The following LRP1B variants were observed in gnomAD, a reference collection of about 807,000 sequenced individuals.
LRP1B encodes LDL receptor related protein 1B.
LRP1B carries 217 observed loss-of-function variants against 556.6 expected under a neutral mutation model. The observed-to-expected ratio is 0.39, with a 90% CI of 0.35 to 0.44. The LOEUF (loss-of-function observed/expected upper bound fraction) is 0.44. Among genes scored for constraint, LRP1B ranks in the 20% least tolerant of loss-of-function variants. The probability of loss-of-function intolerance (pLI) is 1.00; values close to 1 mark genes in which losing one functional copy is unlikely to be tolerated. For synonymous variants in LRP1B, 2,047 were observed against 1,865.8 expected, an observed-to-expected ratio of 1.10 and a Z score of -2.50; for missense variants, 5,053 against 5,620.8, an observed-to-expected ratio of 0.90 and a Z score of 3.23.
chr2:141,568,783 T>C (rs1686425883), intron 2 of LRP1B, among the ~76,000 whole-genome samples: 1 of 151,304 alleles, frequency 6.6e-6, no homozygotes. Flanking sequence ...AGATGGAGTC[T>C]TGCCCTGTCA....
At position 141,815,749 on chromosome 2, in the gene LRP1B, C is replaced by T. The variant is rs562695051; in HGVS notation, c.83-5348G>A. On this transcript the variant is annotated intron_variant, in intron 1 of 90. Transcript: ENST00000389484. ...AGCAACCTCCTTGGATCCCGTTCCA[C>T]GCTGTGGAAGCTTTGTGCTTTCACT... 1.2e-4 allele frequency among the ~76,000 whole-genome samples: 19 copies of T among 152,124 alleles called. 1 individual carries two copies. The highest frequency in any genetic ancestry group is 1.0e-3 in the South Asian group (5 of 4,820).
chr2:140,949,341 C>T (rs535042871), intron 20 of LRP1B, among the ~76,000 whole-genome samples: 1 of 152,096 alleles, frequency 6.6e-6, no homozygotes, highest in South Asian at 2.1e-4. Context: ...GTAAGATTTC[C>T]AACATGACTT....
At chr2:141,674,756 T>A (rs956236757) in intron 2 of LRP1B, among the ~76,000 whole-genome samples, 2 of 152,026 alleles carry the variant, frequency 1.3e-5, no homozygotes, top group African/African-American at 4.8e-5. Context: ...GGGAATTGTA[T>A]CCAGATATTT....
chr2:141,585,157 T>C lies in LRP1B; in HGVS notation c.206-104624A>G, dbSNP rs563964689. Among the ~76,000 whole-genome samples, 16 of 152,322 alleles carry C rather than the reference T, an allele frequency of 1.1e-4. 1 individual carries two copies. The highest frequency in any genetic ancestry group is 3.4e-3 in the Middle Eastern group (1 of 294). On this transcript the variant is annotated intron_variant, in intron 2 of 90. Transcript: ENST00000389484. ...CTGTTATCCCTTGTAATATTTCCGA[T>C]GTTCTTATTCTTTGCCACAGTCTAC...
rs530179492 is a variant in LRP1B, at chr2:141,016,868, C to T, written c.1971-953G>A. On this transcript the variant is annotated intron_variant, in intron 12 of 90. Transcript: ENST00000389484. ...CCCTTATTAGATCCCCTGCCTCCCC[C>T]ATTTTGTAGACCCTAAGAATTTCTA... is the stretch of plus-strand genomic sequence containing the variant. Among the ~76,000 whole-genome samples, 13 of 152,214 alleles carry T rather than the reference C, an allele frequency of 8.5e-5. No individual in the cohort carries two copies. The South Asian group carries it at 1.4e-3, about 17-fold the overall frequency.
At chr2:140,317,745 G>A (rs1192469025) in intron 82 of LRP1B, among the ~76,000 whole-genome samples, 2 of 152,046 alleles carry the variant, frequency 1.3e-5, no homozygotes, top group South Asian at 2.1e-4. Context: ...GGATTATTAT[G>A]GGGTACTCAT....
chr2:141,772,650 G>A (rs534439073), intron 2 of LRP1B, among the ~76,000 whole-genome samples: 3 of 152,120 alleles, frequency 2.0e-5, no homozygotes, highest in South Asian at 2.1e-4. Context: ...TGCAGAGCAC[G>A]AACAAGCTAC....
intron 6 of LRP1B, among the ~76,000 whole-genome samples, chr2:141,196,998 T>A (rs1459739431): frequency 6.6e-6 from 1 of 151,980 alleles, no homozygotes; most frequent in Non-Finnish European, 1.5e-5. Context: ...TAAATGGGAG[T>A]TCCCCTGCAC....
chr2:141,672,370 T>A (rs1690705164), intron 2 of LRP1B, among the ~76,000 whole-genome samples: 1 of 152,072 alleles, frequency 6.6e-6, no homozygotes, highest in Non-Finnish European at 1.5e-5. Context: ...TCCAGAGTGT[T>A]CACAAAGGGA....
At chr2:141,120,382 A>AT (rs569126502) in intron 7 of LRP1B, among the ~76,000 whole-genome samples, 87 of 151,962 alleles carry the variant, frequency 5.7e-4, no homozygotes, top group Admixed American at 4.8e-3. Context: ...TTTTAAAATT[A>AT]TTTTTTATGC....
chr2:141,320,210 C>T (rs1484744666), intron 3 of LRP1B, among the ~76,000 whole-genome samples: 1 of 152,048 alleles, frequency 6.6e-6, no homozygotes, highest in Non-Finnish European at 1.5e-5. Context: ...ACAATAGTGT[C>T]TACTCATTTA....
At chr2:142,016,604 C>T (rs1172191041) in intron 1 of LRP1B, among the ~76,000 whole-genome samples, 2 of 151,758 alleles carry the variant, frequency 1.3e-5, no homozygotes, top group East Asian at 3.9e-4. Context: ...CACATGTTCT[C>T]ACTCATAAGT....
intron 3 of LRP1B, among the ~76,000 whole-genome samples, chr2:141,374,985 TG>T (rs1228360944): frequency 6.6e-6 from 1 of 152,180 alleles, no homozygotes; most frequent in Non-Finnish European, 1.5e-5. Flanking sequence ...GCACATCTGG[TG>T]TAGCAGTCAT....
rs115283796 is a variant in LRP1B, at chr2:140,406,457, C to T, written c.10415-20448G>A. ...TACCTAGAAAACCCTAAAGACCCCA[C>T]CAAAAGGCTCCTAGGTCTAATAAAC... is the stretch of plus-strand genomic sequence containing the variant. On this transcript the variant is annotated intron_variant, in intron 66 of 90. Transcript: ENST00000389484. Among the ~76,000 whole-genome samples the T allele has an allele frequency of 5.0e-3, 759 of 152,082 alleles. 10 individuals carry two copies. The highest frequency in any genetic ancestry group is 0.017 in the African/African-American group (716 of 41,530).
intron 2 of LRP1B, among the ~76,000 whole-genome samples, chr2:141,574,824 G>A (rs1214704394): frequency 2.0e-5 from 3 of 151,882 alleles, no homozygotes; most frequent in East Asian, 3.9e-4. Context: ...GGCAAGCAGA[G>A]GGCCAAATCA....
At chr2:141,423,553 C>A (rs77695545) in intron 3 of LRP1B, among the ~76,000 whole-genome samples, 5,341 of 152,044 alleles carry the variant, frequency 0.035, 295 homozygotes, top group African/African-American at 0.12. Flanking sequence ...AGCCTACTCA[C>A]CTTAGCTGCC....
At chr2:141,798,833 C>T (rs1695910019) in intron 2 of LRP1B, among the ~76,000 whole-genome samples, 1 of 151,400 alleles carries the variant, frequency 6.6e-6, no homozygotes, top group South Asian at 2.1e-4. Flanking sequence ...CAGAATGTGG[C>T]TGTATTTCAA....
At chr2:140,277,555 C>G (rs1469045380) in intron 84 of LRP1B, among the ~76,000 whole-genome samples, 4 of 151,394 alleles carry the variant, frequency 2.6e-5, no homozygotes, top group African/African-American at 9.8e-5. Context: ...ACATTGGAGT[C>G]ACGTGACATT....
intron 1 of LRP1B, among the ~76,000 whole-genome samples, chr2:141,970,622 C>A (rs969034386): frequency 6.6e-6 from 1 of 151,498 alleles, no homozygotes; most frequent in African/African-American, 2.4e-5. Flanking sequence ...TAAGTATATG[C>A]CATCAGCTCA....
Sources: allele counts gnomAD v4.1 joint callset (sites outside exome capture counted in the v4.1 genomes callset), GRCh38; gene constraint gnomAD v4.1.1; transcripts MANE v1.5; gene names NCBI Gene and HGNC (gene_info 2026-07-23, HGNC 2026-07-21).